NTM: variants seen among roughly 807,000 people sequenced by gnomAD.
The protein encoded by NTM is IgLON family member 2.
In NTM, 13 loss-of-function variants were observed where a neutral mutation model predicts 42.1. The ratio of observed to expected loss-of-function variants is 0.31; its 90% confidence interval spans 0.20 to 0.49. The LOEUF is 0.49. NTM is among the 20% of genes least tolerant of loss of function. The pLI is 0.99. For missense variants in NTM, 373 were observed against 452.8 expected, an observed-to-expected ratio of 0.82 and a Z score of 1.60; for synonymous variants, 187 against 179.2, an observed-to-expected ratio of 1.04 and a Z score of -0.35.
At chr11:131,669,849 G>A (rs563840886) in intron 1 of NTM, among the ~76,000 whole-genome samples, 29 of 152,284 alleles carry the variant, frequency 1.9e-4, no homozygotes, top group Non-Finnish European at 3.5e-4. Context: ...GTGACTTCAC[G>A]GCTTAGAAGG....
At chr11:131,719,229 T>C (rs1421748680) in intron 1 of NTM, among the ~76,000 whole-genome samples, 4 of 152,140 alleles carry the variant, frequency 2.6e-5, no homozygotes, top group Admixed American at 1.3e-4. Context: ...TTGTCTCTCT[T>C]GTTGTTCCTA....
chr11:131,828,962 C>T (rs780971196), intron 1 of NTM, among the ~76,000 whole-genome samples: 31 of 152,006 alleles, frequency 2.0e-4, no homozygotes, highest in African/African-American at 6.5e-4. Context: ...CTTCCTCTCC[C>T]TCCATCACTC....
intron 3 of NTM, among the ~76,000 whole-genome samples, chr11:132,159,779 C>T (rs1053712277): frequency 3.9e-5 from 6 of 152,152 alleles, no homozygotes; most frequent in Non-Finnish European, 5.9e-5. Flanking sequence ...TAGGTGCAGG[C>T]GTGGGTGTGG....
At chr11:132,116,314 T>C (rs2063886375) in intron 2 of NTM, among the ~76,000 whole-genome samples, 1 of 152,112 alleles carries the variant, frequency 6.6e-6, no homozygotes, top group African/African-American at 2.4e-5. Context: ...ACCATGGAGG[T>C]AGGGGCTGGA....
At chr11:131,689,853 C>G (rs1422747848) in intron 1 of NTM, among the ~76,000 whole-genome samples, 2 of 152,212 alleles carry the variant, frequency 1.3e-5, no homozygotes, top group Non-Finnish European at 2.9e-5. Context: ...TCCAGAGAGA[C>G]TCAGCAATAC....
chr11:131,656,026 T>C (rs1195113254), intron 1 of NTM, among the ~76,000 whole-genome samples: 5 of 152,302 alleles, frequency 3.3e-5, no homozygotes, highest in African/African-American at 9.6e-5. Context: ...CAGTGGTCAG[T>C]TCCCCCTGCT....
At chr11:131,865,097 G>A (rs968903801) in intron 1 of NTM, among the ~76,000 whole-genome samples, 6 of 152,198 alleles carry the variant, frequency 3.9e-5, no homozygotes, top group Admixed American at 1.3e-4. Context: ...TTTCTGGGCT[G>A]TATCATGCGC....
chr11:131,954,042 C>T (rs1470869858), intron 2 of NTM, among the ~76,000 whole-genome samples: 3 of 152,132 alleles, frequency 2.0e-5, no homozygotes, highest in African/African-American at 2.4e-5. Flanking sequence ...TTTAACAAGT[C>T]GAATCGGAGG....
At chr11:131,566,603 A>C (rs535552574) in intron 1 of NTM, among the ~76,000 whole-genome samples, 1 of 152,142 alleles carries the variant, frequency 6.6e-6, no homozygotes, top group African/African-American at 2.4e-5. Context: ...ACCCGTGCCA[A>C]CTCCTGAAAT....
intron 2 of NTM, among the ~76,000 whole-genome samples, chr11:132,049,617 C>T (rs924994265): frequency 6.6e-6 from 1 of 152,190 alleles, no homozygotes; most frequent in African/African-American, 2.4e-5. Context: ...AGATGAGATA[C>T]ACATTGCTCC....
At chr11:131,884,934 G>A (rs1020592877) in intron 1 of NTM, among the ~76,000 whole-genome samples, 4 of 152,192 alleles carry the variant, frequency 2.6e-5, no homozygotes, top group Non-Finnish European at 5.9e-5. Flanking sequence ...TGAGGCAGGG[G>A]CAGTTAGTGG....
In NTM at chr11:131,794,989, G is replaced by A. The variant is rs566543506; in HGVS notation, c.83-116575G>A. 3.0e-6 allele frequency: 3 copies of A among 985,332 alleles called. No individual in the cohort carries two copies. In the African/African-American group the frequency reaches 5.2e-5, roughly 17 times the overall value. The allele number at this position is 985,332 out of a possible 1,614,324, so 61.0% of individuals were successfully genotyped here. On this transcript the variant is annotated intron_variant, in intron 1 of 8. Coordinates refer to ENST00000683400, the MANE Select transcript of NTM (RefSeq NM_001352005.2). ...CTCCTCACTGGAGGGGCAGCCTTGG[G>A]CAGGCTACAGAAGTACTCAGCCGTG...
intron 1 of NTM, among the ~76,000 whole-genome samples, chr11:131,427,241 T>C (rs1948221684): frequency 6.6e-6 from 1 of 152,040 alleles, no homozygotes; most frequent in Admixed American, 6.5e-5. Context: ...CCATAGCATA[T>C]TCCCTGAAGT....
rs76860271 is a variant in NTM, at chr11:132,193,684, T to C, written c.401-18338T>C. Among the ~76,000 whole-genome samples the C allele has an allele frequency of 8.7e-4, 132 of 151,868 alleles. No homozygotes were observed. The East Asian group carries it at 0.023, about 26-fold the overall frequency. ...AAAATCAAAACTTAACTGAACAAAATTGAGATGCGAAAATCCATACAAAAG... is the reference window on the plus strand; with the variant it reads ...AAAATCAAAACTTAACTGAACAAAACTGAGATGCGAAAATCCATACAAAAG... On this transcript the variant is annotated intron_variant, in intron 3 of 8. Transcript: ENST00000683400.
At chr11:132,324,003 T>C (rs2095626624) in intron 7 of NTM, among the ~76,000 whole-genome samples, 1 of 144,558 alleles carries the variant, frequency 6.9e-6, no homozygotes, top group Non-Finnish European at 1.5e-5. Context: ...TCTCAATAAA[T>C]TAGGTATTGA....
intron 1 of NTM, among the ~76,000 whole-genome samples, chr11:131,868,645 A>C (rs2047461252): frequency 6.6e-6 from 1 of 152,144 alleles, no homozygotes; most frequent in African/African-American, 2.4e-5. Context: ...ATGTCCGTGC[A>C]CACCCTGAGC....
intron 1 of NTM, among the ~76,000 whole-genome samples, chr11:131,789,800 C>CAA (rs201999957): frequency 0.58 from 84,875 of 145,264 alleles, 25,246 homozygotes; most frequent in Non-Finnish European, 0.61. Context: ...ACTAAAAATA[C>CAA]AAAAAATTAG....
chr11:131,698,357 C>T (rs1044030628), intron 1 of NTM, among the ~76,000 whole-genome samples: 1 of 152,150 alleles, frequency 6.6e-6, no homozygotes, highest in African/African-American at 2.4e-5. Flanking sequence ...GGAGAATTCC[C>T]TTGTTCTCTT....
chr11:131,674,090 G>T (rs914486623), intron 1 of NTM, among the ~76,000 whole-genome samples: 1 of 152,222 alleles, frequency 6.6e-6, no homozygotes, highest in African/African-American at 2.4e-5. Context: ...CACACACAGC[G>T]TAGGGTGAGC....
Sources: allele counts gnomAD v4.1 joint callset (sites outside exome capture counted in the v4.1 genomes callset), GRCh38; gene constraint gnomAD v4.1.1; transcripts MANE v1.5; gene names NCBI Gene and HGNC (gene_info 2026-07-23, HGNC 2026-07-21).